Variants in DEK observed in about 807,000 individuals in gnomAD.
DEK encodes protein DEK.
In DEK, 28 loss-of-function variants were observed where a neutral mutation model predicts 46.8. The observed-to-expected ratio is 0.60, with a 90% confidence interval of 0.44 to 0.82. The LOEUF (loss-of-function observed/expected upper bound fraction) is 0.82, where lower values mean the gene tolerates loss of function less well. Ranked by LOEUF, DEK falls within the 40% of genes least tolerant of loss-of-function variation. The pLI is 0.00. For missense variants in DEK, 416 were observed against 430.6 expected (o/e 0.97, Z 0.30); for synonymous variants, 160 against 144.5 (o/e 1.11, Z -0.77).
intron 3 of DEK, 29 bp from the exon 4 acceptor site, chr6:18,258,091 T>C: frequency 6.9e-7 from 1 of 1,441,234 alleles, no homozygotes; most frequent in Non-Finnish European, 9.6e-7. Context: ...CACAATTAAA[T>C]ACCTATGGCT....
intron 7 of DEK, among the ~76,000 whole-genome samples, chr6:18,242,076 T>C (rs1002836060): frequency 6.6e-5 from 10 of 152,346 alleles, no homozygotes; most frequent in East Asian, 3.9e-4. Flanking sequence ...ACTCTGAAGA[T>C]AGAAGTACAT....
chr6:18,247,678 GTT>G (rs113895880), intron 7 of DEK, among the ~76,000 whole-genome samples: 1 of 145,562 alleles, frequency 6.9e-6, no homozygotes, highest in African/African-American at 2.5e-5. Flanking sequence ...AAATGCTCTC[GTT>G]TTTTTTTTTT....
chr6:18,257,539 T>C (rs1374706259), intron 4 of DEK, among the ~76,000 whole-genome samples: 2 of 152,024 alleles, frequency 1.3e-5, no homozygotes, highest in Admixed American at 1.3e-4. Context: ...GGCAAAACCC[T>C]GCCTCTACAA....
intron 3 of DEK, 73 bp downstream of exon 3, chr6:18,258,231 A>G (rs1791686801): frequency 7.5e-7 from 1 of 1,328,436 alleles, no homozygotes; most frequent in Non-Finnish European, 1.1e-6. Context: ...TGCTGATACT[A>G]AGCTACAAAC....
chr6:18,235,042 A>C (rs1582261457), intron 9 of DEK, among the ~76,000 whole-genome samples: 1 of 152,304 alleles, frequency 6.6e-6, no homozygotes. Context: ...GGACAGAACT[A>C]ATTTCTCTTT....
In DEK at chr6:18,237,341, A is replaced by G. The variant is rs372414845; in HGVS notation, c.898+40T>C. 125 of 1,569,270 alleles carry G rather than the reference A, an allele frequency of 8.0e-5. 1 individual carries two copies. Among genetic ancestry groups the G allele is most frequent in the Middle Eastern group, 5.3e-4 (3 of 5,644 alleles). Reference sequence around the variant, plus strand: ...TATGTACAACATATTAATATATGCTATATCTTTAAAGTTGCTGATTAATGT... The same window carrying G: ...TATGTACAACATATTAATATATGCTGTATCTTTAAAGTTGCTGATTAATGT... On this transcript the variant is annotated intron_variant, in intron 8 of 10. Transcript: ENST00000652689.
chr6:18,253,760 T>C (rs1791490197), intron 6 of DEK, among the ~76,000 whole-genome samples: 1 of 152,156 alleles, frequency 6.6e-6, no homozygotes, highest in South Asian at 2.1e-4. Context: ...TTCTGTCACC[T>C]AGGATGGAAT....
chr6:18,260,831 C>T (rs146476857), intron 2 of DEK, among the ~76,000 whole-genome samples: 2,780 of 151,586 alleles, frequency 0.018, 25 homozygotes, highest in South Asian at 0.021. Flanking sequence ...TAAAACCCTG[C>T]CTCTACAAAA....
intron 7 of DEK, among the ~76,000 whole-genome samples, chr6:18,248,903 G>A (rs533462989): frequency 6.6e-6 from 1 of 152,274 alleles, no homozygotes; most frequent in South Asian, 2.1e-4. Flanking sequence ...AGGCAAGGTT[G>A]ATTACCCAAT....
At chr6:18,245,831 C>T (rs1165035931) in intron 7 of DEK, among the ~76,000 whole-genome samples, 3 of 152,258 alleles carry the variant, frequency 2.0e-5, no homozygotes, top group Non-Finnish European at 4.4e-5. Flanking sequence ...ATAATCCCCA[C>T]GTTGTGGGAG....
chr6:18,262,585 A>G (rs1791926943), intron 2 of DEK, among the ~76,000 whole-genome samples: 1 of 152,190 alleles, frequency 6.6e-6, no homozygotes, highest in South Asian at 2.1e-4. Context: ...GGCCACTTAC[A>G]GTATATTTAC....
At chr6:18,232,637 G>C (rs564432066) in intron 9 of DEK, among the ~76,000 whole-genome samples, 1 of 152,154 alleles carries the variant, frequency 6.6e-6, no homozygotes, top group African/African-American at 2.4e-5. Context: ...AAAATACCTA[G>C]GAATCCAACT....
At chr6:18,253,763 G>A (rs1791490357) in intron 6 of DEK, among the ~76,000 whole-genome samples, 1 of 152,046 alleles carries the variant, frequency 6.6e-6, no homozygotes, top group African/African-American at 2.4e-5. Context: ...TGTCACCTAG[G>A]ATGGAATGCA....
intron 9 of DEK, among the ~76,000 whole-genome samples, chr6:18,226,943 G>T (rs1278691362): frequency 6.6e-6 from 1 of 152,232 alleles, no homozygotes; most frequent in African/African-American, 2.4e-5. Flanking sequence ...TGTGCAAGAT[G>T]TGCTTTGTTA....
At chr6:18,256,319 A>G (rs756266830) in intron 5 of DEK, 42 bp downstream of exon 5, 2 of 1,513,558 alleles carry the variant, frequency 1.3e-6, no homozygotes, top group East Asian at 2.4e-5. Context: ...AATAAACTTA[A>G]AGCATATTGA....
chr6:18,258,119 A>C (rs934861745), intron 3 of DEK, 57 bp from the exon 4 acceptor site: 1 of 1,289,868 alleles, frequency 7.8e-7, no homozygotes, highest in Non-Finnish European at 1.1e-6. Context: ...ACATTTACAA[A>C]GTTAATTTAA....
rs1338135183 is a variant in DEK, at chr6:18,232,273, A to T, written c.1047+4179T>A. Reference sequence around the variant, plus strand: ...CAGTCATCATATTGAATGGGCAAAAACTGGAATCATTCCCTTTGAAAACTG... The same window carrying T: ...CAGTCATCATATTGAATGGGCAAAATCTGGAATCATTCCCTTTGAAAACTG... On this transcript the variant is annotated intron_variant, in intron 9 of 10. Coordinates refer to ENST00000652689, the MANE Select transcript of DEK (RefSeq NM_003472.4). Among the ~76,000 whole-genome samples, 2 of 152,130 alleles carry T rather than the reference A, an allele frequency of 1.3e-5. 1 individual carries two copies. Among genetic ancestry groups the T allele is most frequent in the South Asian group, 4.1e-4 (2 of 4,828 alleles).
rs80162649 is a variant in DEK at position 18,251,150 on chromosome 6, C to A, written c.574-1311G>T. On this transcript the variant is annotated intron_variant, in intron 6 of 10. Coordinates refer to ENST00000652689, the MANE Select transcript of DEK (RefSeq NM_003472.4). Reference sequence around the variant, plus strand: ...ACCTAACATCAAGAATGTTAAAATGCGCATTACAGAATTAATATTTATTTC... The same window carrying A: ...ACCTAACATCAAGAATGTTAAAATGAGCATTACAGAATTAATATTTATTTC... Among the ~76,000 whole-genome samples the A allele has an allele frequency of 2.0e-5, 3 of 152,122 alleles. 1 individual carries two copies. The highest frequency in any genetic ancestry group is 1.3e-4 in the Admixed American group (2 of 15,264).
chr6:18,228,669 C>G (rs972254185), intron 9 of DEK, among the ~76,000 whole-genome samples: 62 of 152,190 alleles, frequency 4.1e-4, no homozygotes, highest in African/African-American at 1.5e-3. Context: ...TGGGTCACTC[C>G]CACCCTAATA....
Sources: gnomAD v4.1 joint callset for allele counts (sites outside exome capture counted in the v4.1 genomes callset) on GRCh38, gnomAD v4.1.1 for gene constraint, MANE v1.5 for transcripts, NCBI Gene and HGNC (gene_info 2026-07-23, HGNC 2026-07-21) for gene names.